The following SORCS3 variants were observed in gnomAD, a reference collection of about 807,000 sequenced individuals.
SORCS3 encodes sortilin related VPS10 domain containing receptor 3, also known as VPS10 domain-containing receptor SorCS3.
A neutral mutation model predicts 146.3 loss-of-function variants in SORCS3; 57 were observed. The ratio of observed to expected loss-of-function variants is 0.39; its 90% CI spans 0.31 to 0.49. The LOEUF is 0.49. Among genes scored for constraint, SORCS3 ranks in the 20% least tolerant of loss-of-function variants. The pLI, the probability that SORCS3 is intolerant of heterozygous loss-of-function variation, is 0.92. For missense variants in SORCS3, 1,341 were observed against 1,575.5 expected (o/e 0.85, Z 2.52); for synonymous variants, 653 against 618.5 (o/e 1.06, Z -0.83).
chr10:105,114,398 T>G (rs1229931964), intron 7 of SORCS3, among the ~76,000 whole-genome samples: 3 of 152,172 alleles, frequency 2.0e-5, no homozygotes, highest in Non-Finnish European at 4.4e-5. Flanking sequence ...CTCTGCCAGG[T>G]CTTTCTCCAC....
chr10:105,260,638 CT>C (rs1241579587), intron 25 of SORCS3, among the ~76,000 whole-genome samples: 1 of 152,112 alleles, frequency 6.6e-6, no homozygotes. Flanking sequence ...CAGATTTTTT[CT>C]TCTGAATTAG....
intron 18 of SORCS3, among the ~76,000 whole-genome samples, chr10:105,215,545 G>T (rs1564786850): frequency 6.6e-6 from 1 of 152,184 alleles, no homozygotes; most frequent in African/African-American, 2.4e-5. Context: ...GGAATTAAAG[G>T]ACTTTAAGAT....
chr10:104,723,934 G>T (rs2016586185), intron 1 of SORCS3, among the ~76,000 whole-genome samples: 5 of 152,262 alleles, frequency 3.3e-5, no homozygotes, highest in Middle Eastern at 3.4e-3. Flanking sequence ...TATCCAGTTT[G>T]CCAGTCTGTG....
intron 6 of SORCS3, among the ~76,000 whole-genome samples, chr10:105,092,755 A>G (rs2055719220): frequency 6.6e-6 from 1 of 152,134 alleles, no homozygotes; most frequent in Admixed American, 6.5e-5. Context: ...TGGCGATAGG[A>G]AAAAACAAAC....
chr10:104,873,445 C>CTTTGAGCTGTTG (rs1176271188), intron 2 of SORCS3, among the ~76,000 whole-genome samples: 13 of 152,170 alleles, frequency 8.5e-5, no homozygotes, highest in Non-Finnish European at 1.8e-4. Flanking sequence ...TCAACAGCCC[C>CTTTGAGCTGTTG]ATTTAGCTTT....
intron 3 of SORCS3, among the ~76,000 whole-genome samples, chr10:104,960,260 T>C (rs574405069): frequency 7.2e-5 from 11 of 152,330 alleles, no homozygotes; most frequent in Non-Finnish European, 1.0e-4. Context: ...TTCCTCACGA[T>C]AACTTGAAGG....
intron 5 of SORCS3, among the ~76,000 whole-genome samples, chr10:105,066,798 T>C (rs1224644951): frequency 1.3e-5 from 2 of 152,110 alleles, no homozygotes; most frequent in Non-Finnish European, 2.9e-5. Flanking sequence ...ATTTCTTTAC[T>C]ACTCACCTTA....
chr10:104,761,412 C>T (rs981414614), intron 1 of SORCS3, among the ~76,000 whole-genome samples: 1 of 151,976 alleles, frequency 6.6e-6, no homozygotes, highest in Non-Finnish European at 1.5e-5. Flanking sequence ...AGAGAAGAGG[C>T]AAGAAAATAG....
chr10:104,818,093 C>T (rs924662287), intron 1 of SORCS3, among the ~76,000 whole-genome samples: 1 of 152,170 alleles, frequency 6.6e-6, no homozygotes, highest in Non-Finnish European at 1.5e-5. Context: ...TACACACACA[C>T]CTGTGCACAC....
intron 4 of SORCS3, among the ~76,000 whole-genome samples, chr10:105,014,717 C>G (rs2055155390): frequency 6.6e-6 from 1 of 152,046 alleles, no homozygotes; most frequent in Admixed American, 6.6e-5. Context: ...AACTTAATCT[C>G]CAAGGTGATG....
At chr10:104,755,049 T>G (rs977771629) in intron 1 of SORCS3, among the ~76,000 whole-genome samples, 2 of 152,198 alleles carry the variant, frequency 1.3e-5, no homozygotes, top group Non-Finnish European at 2.9e-5. Context: ...CTGTGGCTAA[T>G]GCATTACCGG....
chr10:104,851,823 T>C (rs1190008127), intron 2 of SORCS3, among the ~76,000 whole-genome samples: 1 of 152,220 alleles, frequency 6.6e-6, no homozygotes, highest in Non-Finnish European at 1.5e-5. Flanking sequence ...TGGTGGCCAA[T>C]TACTTTATTG....
intron 23 of SORCS3, among the ~76,000 whole-genome samples, chr10:105,255,475 G>T (rs887604112): frequency 6.6e-5 from 10 of 152,060 alleles, no homozygotes; most frequent in Non-Finnish European, 1.5e-4. Flanking sequence ...AAACAAAACA[G>T]AACAAAACAA....
intron 1 of SORCS3, among the ~76,000 whole-genome samples, chr10:104,747,818 C>T (rs1317528793): frequency 6.6e-6 from 1 of 152,220 alleles, no homozygotes; most frequent in Non-Finnish European, 1.5e-5. Flanking sequence ...TTAGCACTTC[C>T]ACACTGAGCA....
intron 2 of SORCS3, among the ~76,000 whole-genome samples, chr10:104,897,571 T>G (rs1015415698): frequency 6.6e-6 from 1 of 152,210 alleles, no homozygotes; most frequent in African/African-American, 2.4e-5. Flanking sequence ...AAGCTGTATG[T>G]TCATCTAAGA....
chr10:104,807,151 C>T (rs114068021), intron 1 of SORCS3, among the ~76,000 whole-genome samples: 1 of 134,078 alleles, frequency 7.5e-6, no homozygotes, highest in Admixed American at 7.2e-5. Context: ...ATGGTCTGCT[C>T]TTTATAATCT....
chr10:104,991,252 G>C (rs188671933), intron 4 of SORCS3, among the ~76,000 whole-genome samples: 4 of 152,218 alleles, frequency 2.6e-5, no homozygotes, highest in African/African-American at 4.8e-5. Flanking sequence ...AAGTACCACA[G>C]ACTGAGTGGC....
chr10:104,862,873 T>C (rs1443530062), intron 2 of SORCS3, among the ~76,000 whole-genome samples: 1 of 147,496 alleles, frequency 6.8e-6, no homozygotes, highest in Non-Finnish European at 1.5e-5. Flanking sequence ...TTCTTAGATT[T>C]ATTTTTTAAG....
rs2055002822 is a variant in SORCS3 at position 104,992,861 on chromosome 10, C to T, written c.954+15368C>T. ...CTAACTAATCTAGGTTTTTAAGAAA[C>T]GTCTAGAAAGAAACCTTTTTTGTTT... On this transcript the variant is annotated intron_variant, in intron 4 of 26. Transcript: ENST00000369701. Among the ~76,000 whole-genome samples, 3 of 151,988 alleles carry T rather than the reference C, an allele frequency of 2.0e-5. No homozygotes were observed. In the South Asian group the frequency reaches 6.2e-4, roughly 32 times the overall value.
Sources: allele counts gnomAD v4.1 joint callset (sites outside exome capture counted in the v4.1 genomes callset), GRCh38; gene constraint gnomAD v4.1.1; transcripts MANE v1.5; gene names NCBI Gene and HGNC (gene_info 2026-07-23, HGNC 2026-07-21).